The following PDE3A variants were observed in gnomAD, a reference collection of about 807,000 sequenced individuals.
The protein encoded by PDE3A is phosphodiesterase 3A.
A neutral mutation model predicts 98.3 loss-of-function variants in PDE3A; 43 were observed. That is an observed-to-expected ratio of 0.44 (90% CI 0.34 to 0.56). PDE3A has a LOEUF of 0.56. Among genes scored for constraint, PDE3A ranks in the 20% least tolerant of loss-of-function variants. The probability of loss-of-function intolerance (pLI) is 0.01; values close to 1 mark genes in which losing one functional copy is unlikely to be tolerated. For missense variants in PDE3A, 1,427 were observed against 1,440.7 expected (o/e 0.99, Z 0.15); for synonymous variants, 663 against 567.9 (o/e 1.17, Z -2.38).
intron 15 of PDE3A, among the ~76,000 whole-genome samples, chr12:20,678,858 A>G (rs1203301499): frequency 6.6e-6 from 1 of 152,214 alleles, no homozygotes; most frequent in Non-Finnish European, 1.5e-5. Flanking sequence ...GTGAGGGCAG[A>G]AGTAGAATTT....
chr12:20,659,239 A>T (rs11045372), intron 15 of PDE3A, among the ~76,000 whole-genome samples: 2 of 151,962 alleles, frequency 1.3e-5, no homozygotes, highest in South Asian at 4.1e-4. Flanking sequence ...TTCTGTGTCT[A>T]TATGGTTCAA....
At chr12:20,539,497 G>A (rs1357073273) in intron 1 of PDE3A, among the ~76,000 whole-genome samples, 3 of 152,096 alleles carry the variant, frequency 2.0e-5, no homozygotes, top group East Asian at 1.9e-4. Context: ...GTAAATGCAG[G>A]AAACACACTT....
intron 1 of PDE3A, among the ~76,000 whole-genome samples, chr12:20,521,820 G>C (rs185390648): frequency 1.3e-5 from 2 of 152,238 alleles, no homozygotes; most frequent in East Asian, 3.9e-4. Flanking sequence ...ACAGTGGAGA[G>C]AGTCAGTGGC....
At chr12:20,429,308 G>A (rs1444980738) in intron 1 of PDE3A, among the ~76,000 whole-genome samples, 1 of 152,140 alleles carries the variant, frequency 6.6e-6, no homozygotes, top group East Asian at 1.9e-4. Flanking sequence ...CGTGGGTTTG[G>A]CTTCTGTTTT....
chr12:20,395,617 GTAT>G (rs1266731710), intron 1 of PDE3A, among the ~76,000 whole-genome samples: 1 of 138,582 alleles, frequency 7.2e-6, no homozygotes, highest in Non-Finnish European at 1.5e-5. Flanking sequence ...TATATATATA[GTAT>G]TATATATGTA....
At chr12:20,409,492 C>G (rs534060023) in intron 1 of PDE3A, among the ~76,000 whole-genome samples, 163 of 152,154 alleles carry the variant, frequency 1.1e-3, no homozygotes, top group Non-Finnish European at 2.0e-3. Flanking sequence ...CATTTTCTTT[C>G]AGAAATGATC....
rs1166952875 is a variant in PDE3A, at chr12:20,654,036, C to G, written c.3015C>G (p.Ile1005Met). The G allele has an allele frequency of 3.1e-6, 5 of 1,614,138 alleles. No individual in the cohort carries two copies. The highest frequency in any genetic ancestry group is 4.2e-6 in the Non-Finnish European group (5 of 1,180,014). The part of the protein sequence containing the change: ...PQLANLQESF[I>M]SHIVGPLCNS... ...TGGCCAACCTTCAGGAATCCTTCAT[C>G]TCTCACATTGTGGGGCCTCTGTGCA... Residue 1005 changes from isoleucine to methionine, a missense_variant, in exon 15 of 16, where the codon ATC (isoleucine) becomes ATG (methionine). Coordinates refer to ENST00000359062, the MANE Select transcript of PDE3A (RefSeq NM_000921.5).
At chr12:20,675,158 T>G (rs554528928) in intron 15 of PDE3A, among the ~76,000 whole-genome samples, 32 of 152,234 alleles carry the variant, frequency 2.1e-4, no homozygotes, top group Non-Finnish European at 4.0e-4. Flanking sequence ...ATTCCTTAAT[T>G]ATCTCTTTGA....
intron 2 of PDE3A, among the ~76,000 whole-genome samples, chr12:20,608,788 TC>T (rs1158251364): frequency 6.6e-6 from 1 of 152,076 alleles, no homozygotes; most frequent in Non-Finnish European, 1.5e-5. Flanking sequence ...TTCTACTTTT[TC>T]TTCAGATTTG....
chr12:20,522,443 A>G (rs926219883), intron 1 of PDE3A, among the ~76,000 whole-genome samples: 2 of 152,178 alleles, frequency 1.3e-5, no homozygotes, highest in African/African-American at 4.8e-5. Context: ...TGCAAAAGAC[A>G]GATAATTAAC....
chr12:20,577,821 C>T (rs912373127), intron 2 of PDE3A, among the ~76,000 whole-genome samples: 2 of 151,994 alleles, frequency 1.3e-5, no homozygotes, highest in African/African-American at 2.4e-5. Flanking sequence ...AAACACGGGA[C>T]GGGCCAGGGG....
chr12:20,667,375 C>G (rs1234698276), intron 15 of PDE3A, among the ~76,000 whole-genome samples: 1 of 152,192 alleles, frequency 6.6e-6, no homozygotes, highest in South Asian at 2.1e-4. Context: ...TAGAACTTCC[C>G]TTATGTTGTC....
chr12:20,567,093 G>A (rs570426065), intron 2 of PDE3A, among the ~76,000 whole-genome samples: 22 of 152,014 alleles, frequency 1.4e-4, no homozygotes, highest in African/African-American at 4.8e-4. Context: ...CTTCAAACAA[G>A]TTTTGCTAAA....
chr12:20,635,123 A>C (rs1353274046), intron 8 of PDE3A, 67 bp downstream of exon 8: 2 of 1,433,388 alleles, frequency 1.4e-6, no homozygotes, highest in East Asian at 4.6e-5. Context: ...ATATTGGCTC[A>C]GAAATGAATC....
At chr12:20,615,042 G>A (rs1181704125) in intron 3 of PDE3A, among the ~76,000 whole-genome samples, 2 of 70,252 alleles carry the variant, frequency 2.8e-5, no homozygotes, top group African/African-American at 1.1e-4. Flanking sequence ...TTTTTTTTGA[G>A]ACGGAGTCTT....
chr12:20,633,667 C>T (rs754792707), intron 6 of PDE3A, 26 bp from the exon 7 acceptor site: 1 of 1,444,304 alleles, frequency 6.9e-7, no homozygotes, highest in Non-Finnish European at 9.7e-7. Context: ...GGAGGCTACA[C>T]CTATAGCTCT....
At chr12:20,526,681 G>A (rs4762764) in intron 1 of PDE3A, among the ~76,000 whole-genome samples, 31,184 of 151,412 alleles carry the variant, frequency 0.21, 3,409 homozygotes, top group South Asian at 0.25. Flanking sequence ...GTGAATGGAT[G>A]CCAGTTTATG....
chr12:20,580,163 T>G (rs887559924), intron 2 of PDE3A, among the ~76,000 whole-genome samples: 3 of 152,192 alleles, frequency 2.0e-5, no homozygotes, highest in Admixed American at 2.0e-4. Context: ...AGATTAATCA[T>G]GTAACAAGCC....
intron 1 of PDE3A, among the ~76,000 whole-genome samples, chr12:20,550,650 CA>C (rs1436795062): frequency 6.6e-6 from 1 of 151,904 alleles, no homozygotes; most frequent in Non-Finnish European, 1.5e-5. Context: ...TCAGTGTACC[CA>C]AAATTGTGTG....
Sources: allele counts gnomAD v4.1 joint callset (sites outside exome capture counted in the v4.1 genomes callset), GRCh38; gene constraint gnomAD v4.1.1; transcripts MANE v1.5; gene names NCBI Gene and HGNC (gene_info 2026-07-23, HGNC 2026-07-21).